The following PRKACB variants were observed in gnomAD, a reference collection of about 807,000 sequenced individuals.
The protein encoded by PRKACB is cAMP-dependent protein kinase catalytic subunit beta.
Under a neutral mutation model 51.4 loss-of-function variants are expected in PRKACB, and 16 were observed. The observed-to-expected ratio is 0.31, with a 90% CI of 0.21 to 0.47. The LOEUF (loss-of-function observed/expected upper bound fraction) is 0.47, where lower values mean the gene tolerates loss of function less well. Among genes scored for constraint, PRKACB ranks in the 20% least tolerant of loss-of-function variants. The probability of loss-of-function intolerance (pLI) is 1.00; values close to 1 mark genes in which losing one functional copy is unlikely to be tolerated. For missense variants in PRKACB, 309 were observed against 464.5 expected, an observed-to-expected ratio of 0.67 and a Z score of 3.08; for synonymous variants, 147 against 154.4, an observed-to-expected ratio of 0.95 and a Z score of 0.35.
At chr1:84,229,038 G>A (rs1441170167) in intron 9 of PRKACB, among the ~76,000 whole-genome samples, 31 of 145,634 alleles carry the variant, frequency 2.1e-4, no homozygotes, top group Non-Finnish European at 2.2e-4. Flanking sequence ...CCACTAACTC[G>A]TCATCTAGCA....
intron 1 of PRKACB, among the ~76,000 whole-genome samples, chr1:84,114,386 G>A (rs993125372): frequency 6.6e-6 from 1 of 152,056 alleles, no homozygotes; most frequent in Middle Eastern, 3.2e-3. Context: ...CAGAACAGTG[G>A]TTGTTTCTAA....
chr1:84,227,926 A>C (rs1674906835), intron 9 of PRKACB, among the ~76,000 whole-genome samples: 1 of 152,210 alleles, frequency 6.6e-6, no homozygotes, highest in South Asian at 2.1e-4. Context: ...GGAAAAAAAA[A>C]GGCAGAAGAA....
chr1:84,088,080 C>T (rs748837234), intron 1 of PRKACB, among the ~76,000 whole-genome samples: 7 of 152,082 alleles, frequency 4.6e-5, no homozygotes, highest in South Asian at 2.1e-4. Flanking sequence ...GAAAATTTTC[C>T]GAATCAAATT....
At chr1:84,173,307 CTG>C (rs747211422) in intron 1 of PRKACB, 2 of 1,554,296 alleles carry the variant, frequency 1.3e-6, no homozygotes. Context: ...TATTTAATCT[CTG>C]TTTATTCTTT....
At position 84,237,765 on chromosome 1, in the gene PRKACB, G is replaced by A. The variant is rs1676783788; in HGVS notation, c.*2460G>A. 6.6e-6 allele frequency: 1 copy of A among 152,142 alleles called. No homozygotes were observed. Among genetic ancestry groups the A allele is most frequent in the Non-Finnish European group, 1.5e-5 (1 of 67,980 alleles). The allele number at this position is 152,142 out of a possible 1,614,324, so 9.4% of individuals were successfully genotyped here. ...TTTGAAACAGAAGATATTATGTTAT[G>A]CTCAGTAAATAATTAAGAGATGGCA... On this transcript the variant is annotated 3_prime_UTR_variant, in exon 10 of 10. Transcript: ENST00000370685.
At chr1:84,121,701 G>T (rs947826130) in intron 1 of PRKACB, among the ~76,000 whole-genome samples, 1 of 152,054 alleles carries the variant, frequency 6.6e-6, no homozygotes, top group African/African-American at 2.4e-5. Flanking sequence ...CTCTCCCAGG[G>T]TATTAGAAGG....
intron 1 of PRKACB, among the ~76,000 whole-genome samples, chr1:84,095,115 G>A (rs1216599365): frequency 6.6e-6 from 1 of 151,856 alleles, no homozygotes; most frequent in African/African-American, 2.4e-5. Context: ...GTACAGTGAC[G>A]AGATTGCCTA....
intron 1 of PRKACB, among the ~76,000 whole-genome samples, chr1:84,086,952 A>G (rs1227091908): frequency 6.6e-6 from 1 of 152,264 alleles, no homozygotes; most frequent in Non-Finnish European, 1.5e-5. Context: ...CAGACAATAA[A>G]GCAAGGGTCT....
At chr1:84,204,346 T>C in intron 8 of PRKACB, 1 of 586,982 alleles carries the variant, frequency 1.7e-6, no homozygotes, top group Non-Finnish European at 3.0e-6. Flanking sequence ...TTGAATGCTG[T>C]GCACTGATAA....
intron 9 of PRKACB, among the ~76,000 whole-genome samples, chr1:84,215,862 A>G (rs1168808532): frequency 2.6e-5 from 4 of 152,068 alleles, no homozygotes; most frequent in African/African-American, 9.7e-5. Context: ...CATTTTGAAT[A>G]TATTTAATTT....
intron 1 of PRKACB, among the ~76,000 whole-genome samples, chr1:84,137,810 T>C (rs564699684): frequency 6.6e-6 from 1 of 152,246 alleles, no homozygotes; most frequent in South Asian, 2.1e-4. Context: ...TGATGGTGGA[T>C]GGTGGGAGCC....
intron 5 of PRKACB, among the ~76,000 whole-genome samples, chr1:84,194,956 A>G (rs776777968): frequency 6.6e-6 from 1 of 152,174 alleles, no homozygotes; most frequent in East Asian, 1.9e-4. Context: ...TATGTAATGT[A>G]TGTGTTCCTC....
chr1:84,176,175 C>T (rs1661194707), intron 1 of PRKACB, among the ~76,000 whole-genome samples: 1 of 151,738 alleles, frequency 6.6e-6, no homozygotes, highest in Non-Finnish European at 1.5e-5. Flanking sequence ...TATTAGAACA[C>T]AATAAGTAAA....
In PRKACB at chr1:84,081,023, A is replaced by G. The variant is rs112898655; in HGVS notation, c.46+2652A>G. 1.5e-3 allele frequency among the ~76,000 whole-genome samples: 235 copies of G among 152,360 alleles called. 2 individuals are homozygous for G. The highest frequency in any genetic ancestry group is 5.1e-3 in the African/African-American group (213 of 41,586). On this transcript the variant is annotated intron_variant, in intron 1 of 8. Coordinates refer to the PRKACB transcript ENST00000370688. ...GAGTTACCTGAAAGGCAAAAATACA[A>G]GTGCTAACATTATGGAAAGTGGAAT... is the stretch of plus-strand genomic sequence containing the variant.
At position 84,130,737 on chromosome 1, in the gene PRKACB, A is replaced by G. The variant is rs112088751; in HGVS notation, c.47-48440A>G. 1.3e-3 allele frequency among the ~76,000 whole-genome samples: 192 copies of G among 152,324 alleles called. 6 individuals carry two copies. Among genetic ancestry groups the G allele is most frequent in the Middle Eastern group, 0.01 (3 of 292 alleles). On this transcript the variant is annotated intron_variant, in intron 1 of 8. Coordinates refer to the PRKACB transcript ENST00000370688. ...AACCAAATTACTGGAAACCAAAGAG[A>G]TAATTCATCAACAGCAATGCTGCTT...
chr1:84,194,186 C>T (rs1558212656), intron 5 of PRKACB, among the ~76,000 whole-genome samples: 2 of 152,128 alleles, frequency 1.3e-5, no homozygotes, highest in Admixed American at 6.6e-5. Flanking sequence ...ACTAAAGTAC[C>T]ACACCTGAAC....
At chr1:84,215,758 A>T (rs1252604152) in intron 9 of PRKACB, among the ~76,000 whole-genome samples, 4 of 152,160 alleles carry the variant, frequency 2.6e-5, no homozygotes, top group African/African-American at 9.7e-5. Context: ...ATAATTTGAG[A>T]CATTTAAGAA....
rs1222304232 is a variant in PRKACB at position 84,213,147 on chromosome 1, C to T, written c.907-1006C>T. Among the ~76,000 whole-genome samples the T allele has an allele frequency of 5.3e-5, 8 of 151,950 alleles. No homozygotes were observed. In the South Asian group the frequency reaches 8.3e-4, roughly 16 times the overall value. Reference sequence around the variant, plus strand: ...ATTTGTAGTTGAGGCTGTAATAATCCAGATATGTATACACATACATGTGTG... The same window carrying T: ...ATTTGTAGTTGAGGCTGTAATAATCTAGATATGTATACACATACATGTGTG... On this transcript the variant is annotated intron_variant, in intron 8 of 9. Transcript: ENST00000370685.
intron 1 of PRKACB, among the ~76,000 whole-genome samples, chr1:84,135,048 T>A (rs1557996753): frequency 2.0e-5 from 3 of 152,170 alleles, no homozygotes; most frequent in Admixed American, 2.0e-4. Flanking sequence ...ATATAAAGAA[T>A]AGGTAAGGTA....
Sources: allele counts gnomAD v4.1 joint callset (sites outside exome capture counted in the v4.1 genomes callset), GRCh38; gene constraint gnomAD v4.1.1; transcripts MANE v1.5; gene names NCBI Gene and HGNC (gene_info 2026-07-23, HGNC 2026-07-21).